IQGAP2: variants seen among roughly 807,000 people sequenced by gnomAD.
The protein encoded by IQGAP2 is ras GTPase-activating-like protein IQGAP2.
Under a neutral mutation model 201.3 loss-of-function variants are expected in IQGAP2, and 173 were observed. That is an observed-to-expected ratio of 0.86 (90% CI 0.76 to 0.98). The LOEUF (loss-of-function observed/expected upper bound fraction) is 0.98, where lower values mean the gene tolerates loss of function less well. IQGAP2 is among the 50% of genes least tolerant of loss of function. The probability of loss-of-function intolerance (pLI) is 0.00; values close to 1 mark genes in which losing one functional copy is unlikely to be tolerated. For synonymous variants in IQGAP2, 675 were observed against 673.9 expected (o/e 1.00, Z -0.03); for missense variants, 1,687 against 1,864.8 (o/e 0.90, Z 1.76).
chr5:76,590,355 A>C (rs747191550), intron 7 of IQGAP2, 53 bp from the exon 8 acceptor site: 11 of 1,399,158 alleles, frequency 7.9e-6, no homozygotes, highest in Non-Finnish European at 1.1e-5. Context: ...GCAACTGTCC[A>C]TGTTGTCTTT....
intron 20 of IQGAP2, among the ~76,000 whole-genome samples, chr5:76,658,146 G>A (rs1413191989): frequency 6.6e-6 from 1 of 152,194 alleles, no homozygotes; most frequent in East Asian, 1.9e-4. Context: ...CCTGAGGAAT[G>A]AGGCACAGAT....
intron 17 of IQGAP2, among the ~76,000 whole-genome samples, chr5:76,648,093 G>T (rs465988): frequency 0.5 from 75,613 of 151,786 alleles, 19,297 homozygotes; most frequent in Non-Finnish European, 0.56. Flanking sequence ...GTTGGTCAAT[G>T]GAGGCCACAT....
At chr5:76,455,637 G>A (rs1423162470) in intron 1 of IQGAP2, among the ~76,000 whole-genome samples, 2 of 151,994 alleles carry the variant, frequency 1.3e-5, no homozygotes, top group Non-Finnish European at 1.5e-5. Flanking sequence ...AATTATTTTC[G>A]TAAAGCCTAA....
chr5:76,648,524 A>T (rs535973848), intron 17 of IQGAP2, among the ~76,000 whole-genome samples: 2 of 152,342 alleles, frequency 1.3e-5, no homozygotes, highest in African/African-American at 4.8e-5. Context: ...GAAAATCACA[A>T]CTTAAGTTTA....
intron 15 of IQGAP2, among the ~76,000 whole-genome samples, chr5:76,636,239 T>G (rs1275713563): frequency 6.6e-6 from 1 of 152,224 alleles, no homozygotes; most frequent in East Asian, 1.9e-4. Context: ...GAACTTCTTA[T>G]GTTTTTCTGT....
chr5:76,487,888 A>G (rs541714118), intron 2 of IQGAP2, among the ~76,000 whole-genome samples: 36 of 152,262 alleles, frequency 2.4e-4, no homozygotes, highest in Admixed American at 3.9e-4. Context: ...TTCAAAATTC[A>G]AAATGGTAGA....
chr5:76,611,237 G>A, intron 13 of IQGAP2, 54 bp downstream of exon 13: 1 of 1,407,528 alleles, frequency 7.1e-7, no homozygotes, highest in Non-Finnish European at 9.8e-7. Flanking sequence ...GTGGCAGAGG[G>A]AGAGAAGGAG....
At position 76,428,437 on chromosome 5, in the gene IQGAP2, C is replaced by CT. The variant is rs1003388325; in HGVS notation, c.46+24863dup. Among the ~76,000 whole-genome samples, 939 of 135,678 alleles carry CT rather than the reference C, an allele frequency of 6.9e-3. 2 individuals are homozygous for CT. The highest frequency in any genetic ancestry group is 0.012 in the East Asian group (57 of 4,698). 89.0% of individuals were successfully genotyped at this position (135,678 alleles called of 152,430 possible). On this transcript the variant is annotated intron_variant, in intron 1 of 35. Transcript: ENST00000274364. ...AGGAGTTTGCTTTGAATCCTTTTTT[C>CT]TTTTTTTTTTTTTTTTTGAGATGGA...
chr5:76,512,692 G>GA (rs1031636416), intron 2 of IQGAP2, among the ~76,000 whole-genome samples: 3 of 152,300 alleles, frequency 2.0e-5, no homozygotes, highest in East Asian at 1.9e-4. Context: ...ACAATTTTCA[G>GA]AAAAAAGTAT....
intron 12 of IQGAP2, chr5:76,606,544 C>G: frequency 4.0e-6 from 1 of 250,924 alleles, no homozygotes; most frequent in Non-Finnish European, 7.5e-6. Context: ...AGTAAAAGGC[C>G]TGATTTTTCT....
At chr5:76,597,402 G>A (rs1255845964) in intron 9 of IQGAP2, 37 bp from the exon 10 acceptor site, 2 of 1,609,282 alleles carry the variant, frequency 1.2e-6, no homozygotes, top group Admixed American at 3.4e-5. Context: ...AGTGGAAAGA[G>A]CAACCATTCT....
At chr5:76,476,724 A>G (rs770017209) in intron 2 of IQGAP2, among the ~76,000 whole-genome samples, 1 of 152,178 alleles carries the variant, frequency 6.6e-6, no homozygotes, top group Non-Finnish European at 1.5e-5. Context: ...GATTTATGTA[A>G]CTGTGGTAGG....
intron 13 of IQGAP2, chr5:76,618,623 G>C: frequency 6.2e-7 from 1 of 1,611,694 alleles, no homozygotes; most frequent in South Asian, 1.1e-5. Flanking sequence ...TTGCCAAGTT[G>C]TTTGTATCAT....
chr5:76,598,904 CTAATAT>C (rs1339659802), intron 10 of IQGAP2, among the ~76,000 whole-genome samples: 9 of 151,990 alleles, frequency 5.9e-5, no homozygotes, highest in African/African-American at 1.2e-4. Flanking sequence ...GATATCCATA[CTAATAT>C]TAAGTGGGAA....
At chr5:76,407,790 T>C (rs1202310437) in intron 1 of IQGAP2, among the ~76,000 whole-genome samples, 2 of 152,180 alleles carry the variant, frequency 1.3e-5, no homozygotes, top group Non-Finnish European at 2.9e-5. Context: ...ACCAATGACT[T>C]ACTATTGCCA....
Position 76,597,584 on chromosome 5 carries a change from C to T in IQGAP2, c.1053C>T (p.Leu351=). 1 of 1,613,930 alleles carries T rather than the reference C, an allele frequency of 6.2e-7. No homozygotes were observed. The highest frequency in any genetic ancestry group is 8.5e-7 in the Non-Finnish European group (1 of 1,179,978). Residue 351 remains leucine, a synonymous_variant, in exon 10 of 36, where the codon CTC becomes CTT. Transcript: ENST00000274364. The part of the protein sequence containing the change: ...AAMYQNELFN[L]QKQNTMNYLA... ...TGTATCAGAACGAACTTTTCAACCT[C>T]CAGAAACAGAACACCATGGTAAGTC...
chr5:76,529,420 G>C (rs529165094), intron 2 of IQGAP2, among the ~76,000 whole-genome samples: 63 of 152,134 alleles, frequency 4.1e-4, no homozygotes, highest in African/African-American at 1.5e-3. Flanking sequence ...ATGAGGTCAG[G>C]AGTTCGAGAT....
chr5:76,430,146 A>G (rs895473547), intron 1 of IQGAP2, among the ~76,000 whole-genome samples: 6 of 152,192 alleles, frequency 3.9e-5, no homozygotes, highest in Non-Finnish European at 8.8e-5. Context: ...TGGTTCAGTT[A>G]CATAGCGCTC....
rs76939163 is a variant in IQGAP2 at position 76,480,667 on chromosome 5, T to C, written c.146+18998T>C. ...TCTCCCCAAATACAGCCCCAATGTG[T>C]CAATTCTTACCATGTCTGCTACAGT... On this transcript the variant is annotated intron_variant, in intron 2 of 35. Transcript: ENST00000274364. Among the ~76,000 whole-genome samples the C allele has an allele frequency of 8.6e-3, 1,313 of 152,290 alleles. 23 individuals are homozygous for C. Among genetic ancestry groups the C allele is most frequent in the African/African-American group, 0.03 (1,248 of 41,544 alleles).
Sources: allele counts gnomAD v4.1 joint callset (sites outside exome capture counted in the v4.1 genomes callset), GRCh38; gene constraint gnomAD v4.1.1; transcripts MANE v1.5; gene names NCBI Gene and HGNC (gene_info 2026-07-23, HGNC 2026-07-21).